The following DAB1 variants were observed in gnomAD, a reference collection of about 807,000 sequenced individuals.
DAB1 encodes the protein disabled homolog 1.
In DAB1, 15 loss-of-function variants were observed where a neutral mutation model predicts 64.6. The ratio of observed to expected loss-of-function variants is 0.23; its 90% CI spans 0.16 to 0.36. The LOEUF is 0.36. Among genes scored for constraint, DAB1 ranks in the 10% least tolerant of loss-of-function variants. DAB1 has a pLI of 1.00. For synonymous variants in DAB1, 235 were observed against 251.9 expected (o/e 0.93, Z 0.64); for missense variants, 596 against 706.7 (o/e 0.84, Z 1.78).
chr1:58,160,729 T>TAATTTTGGGTAC (rs143865312), intron 4 of DAB1, among the ~76,000 whole-genome samples: 3 of 152,154 alleles, frequency 2.0e-5, no homozygotes, highest in Non-Finnish European at 2.9e-5. Flanking sequence ...AGGCTTTAAA[T>TAATTTTGGGTAC]AATTTTGGGT....
intron 1 of DAB1, among the ~76,000 whole-genome samples, chr1:57,369,625 A>G (rs769773046): frequency 6.6e-5 from 10 of 152,166 alleles, no homozygotes; most frequent in Non-Finnish European, 1.3e-4. Context: ...CAGCTCATTG[A>G]ATCTTCAACA....
intron 5 of DAB1, among the ~76,000 whole-genome samples, chr1:57,932,043 GTTT>G (rs952995285): frequency 3.3e-5 from 5 of 151,974 alleles, no homozygotes; most frequent in African/African-American, 1.2e-4. Flanking sequence ...GATAAGTTGT[GTTT>G]TTATTTTTAT....
At position 57,554,388 on chromosome 1, in the gene DAB1, A is replaced by C. The variant is rs564559722; in HGVS notation, n.625+95204T>G. Among the ~76,000 whole-genome samples, 16 of 152,354 alleles carry C rather than the reference A, an allele frequency of 1.1e-4. No individual in the cohort carries two copies. In the South Asian group the frequency reaches 3.3e-3, roughly 32 times the overall value. On this transcript the variant is annotated intron_variant and non_coding_transcript_variant, in intron 7 of 20. Coordinates refer to the DAB1 transcript ENST00000485760. ...GTGTAAAGTAGGCTACCTCTTTTGC[A>C]GGTGATCATGAAGATTCTGTGAAAG...
At chr1:58,358,299 A>C (rs564511484) in intron 3 of DAB1, among the ~76,000 whole-genome samples, 9 of 152,300 alleles carry the variant, frequency 5.9e-5, no homozygotes, top group Admixed American at 1.3e-4. Context: ...AGACAATTCT[A>C]ATTTCAAGAA....
rs144945775 is a variant in DAB1, at chr1:57,082,625, T to C, written c.307-10211A>G. Among the ~76,000 whole-genome samples the C allele has an allele frequency of 2.1e-3, 318 of 152,254 alleles. 3 individuals are homozygous for C. The highest frequency in any genetic ancestry group is 7.0e-3 in the African/African-American group (292 of 41,544). ...TACCATGGTGGTACTTATCAACCCA[T>C]CACCTAGGTATTAAGCCCACACCCA... On this transcript the variant is annotated intron_variant, in intron 4 of 14. Coordinates refer to ENST00000371236, the MANE Select transcript of DAB1 (RefSeq NM_001365792.1).
At chr1:57,275,458 T>A (rs1671383180) in intron 2 of DAB1, among the ~76,000 whole-genome samples, 1 of 152,152 alleles carries the variant, frequency 6.6e-6, no homozygotes, top group South Asian at 2.1e-4. Flanking sequence ...ATGACAGATA[T>A]TAGAAAAATG....
chr1:57,733,575 G>T lies in DAB1; in HGVS notation n.552-83910C>A, dbSNP rs147259508. Among the ~76,000 whole-genome samples the T allele has an allele frequency of 4.5e-4, 68 of 152,118 alleles. No homozygotes were observed. The Middle Eastern group carries it at 0.01, about 23-fold the overall frequency. On this transcript the variant is annotated intron_variant and non_coding_transcript_variant, in intron 6 of 20. Transcript: ENST00000485760. ...TTTACTATGCATAGGAGCCAAATTG[G>T]GTCCTGGAGGCACAAATGTAAATAT...
chr1:57,219,553 A>T (rs895794892), intron 2 of DAB1, among the ~76,000 whole-genome samples: 1 of 152,186 alleles, frequency 6.6e-6, no homozygotes, highest in African/African-American at 2.4e-5. Flanking sequence ...AGTTAATAGA[A>T]ATCAGCAAAA....
At chr1:58,484,131 T>C (rs1247659599) in intron 3 of DAB1, among the ~76,000 whole-genome samples, 1 of 152,222 alleles carries the variant, frequency 6.6e-6, no homozygotes, top group African/African-American at 2.4e-5. Flanking sequence ...CCACAGTGAG[T>C]AAGGTGCTAG....
intron 3 of DAB1, among the ~76,000 whole-genome samples, chr1:57,142,597 G>GCCACACAC (rs1557797167): frequency 3.5e-5 from 2 of 56,526 alleles, no homozygotes; most frequent in African/African-American, 7.4e-5. Flanking sequence ...TTCACTGCAG[G>GCCACACAC]TCACACACAC....
At chr1:57,268,965 A>G (rs978931385) in intron 2 of DAB1, among the ~76,000 whole-genome samples, 76 of 152,310 alleles carry the variant, frequency 5.0e-4, no homozygotes, top group African/African-American at 1.7e-3. Context: ...TTAGAGCAAC[A>G]AAAGAAGTAG....
At chr1:58,440,933 C>T (rs1468156428) in intron 3 of DAB1, among the ~76,000 whole-genome samples, 3 of 152,172 alleles carry the variant, frequency 2.0e-5, no homozygotes, top group Non-Finnish European at 4.4e-5. Flanking sequence ...TCAGCTACTA[C>T]AGTGGGTAAC....
intron 5 of DAB1, chr1:58,048,819 G>A (rs934092596): frequency 1.6e-5 from 17 of 1,065,304 alleles, no homozygotes; most frequent in East Asian, 7.1e-5. Context: ...TCTTATCCAC[G>A]GAATCATGGT....
intron 2 of DAB1, among the ~76,000 whole-genome samples, chr1:57,180,228 A>C (rs1369982091): frequency 6.6e-6 from 1 of 152,130 alleles, no homozygotes; most frequent in African/African-American, 2.4e-5. Flanking sequence ...TGACCCCTAA[A>C]CTGCACCTTC....
intron 7 of DAB1, among the ~76,000 whole-genome samples, chr1:57,581,979 C>A (rs1405459151): frequency 2.0e-5 from 3 of 152,094 alleles, no homozygotes; most frequent in Admixed American, 2.0e-4. Flanking sequence ...AGATTTGGTT[C>A]CTGGTGAGGA....
At chr1:57,410,606 T>A (rs1363808969) in intron 1 of DAB1, among the ~76,000 whole-genome samples, 1 of 152,156 alleles carries the variant, frequency 6.6e-6, no homozygotes, top group Non-Finnish European at 1.5e-5. Flanking sequence ...GTCCCCCTCC[T>A]CCCTGCCCCT....
intron 1 of DAB1, chr1:57,880,760 T>A (rs965582054): frequency 6.6e-6 from 1 of 152,204 alleles, no homozygotes; most frequent in South Asian, 2.1e-4. Flanking sequence ...TCAAGCACCA[T>A]ATAACTCTTT....
At chr1:57,909,550 T>C (rs1306081324) in intron 5 of DAB1, among the ~76,000 whole-genome samples, 1 of 152,126 alleles carries the variant, frequency 6.6e-6, no homozygotes, top group East Asian at 1.9e-4. Context: ...TATCATCTAG[T>C]TAGAGAAACA....
intron 5 of DAB1, among the ~76,000 whole-genome samples, chr1:58,147,293 C>G (rs1391983142): frequency 8.9e-6 from 1 of 112,868 alleles, no homozygotes; most frequent in Non-Finnish European, 1.7e-5. Flanking sequence ...GGCAACAGAG[C>G]AAGACTCCGT....
Sources: allele counts gnomAD v4.1 joint callset (sites outside exome capture counted in the v4.1 genomes callset), GRCh38; gene constraint gnomAD v4.1.1; transcripts MANE v1.5; gene names NCBI Gene and HGNC (gene_info 2026-07-23, HGNC 2026-07-21).